The following DOCK1 variants were observed in gnomAD, a reference collection of about 807,000 sequenced individuals.
DOCK1 encodes the protein dedicator of cytokinesis protein 1.
A neutral mutation model predicts 262.7 loss-of-function variants in DOCK1; 138 were observed. The ratio of observed to expected loss-of-function variants is 0.53; its 90% CI spans 0.46 to 0.61. The LOEUF (loss-of-function observed/expected upper bound fraction) is 0.61, where lower values mean the gene tolerates loss of function less well. Ranked by LOEUF, DOCK1 falls within the 20% of genes least tolerant of loss-of-function variation. The pLI, the probability that DOCK1 is intolerant of heterozygous loss-of-function variation, is 0.00. For synonymous variants in DOCK1, 866 were observed against 867.4 expected (o/e 1.00, Z 0.03); for missense variants, 1,908 against 2,370.7 (o/e 0.80, Z 4.05).
intron 1 of DOCK1, among the ~76,000 whole-genome samples, chr10:126,966,601 A>G (rs2037697982): frequency 6.6e-6 from 1 of 152,016 alleles, no homozygotes. Flanking sequence ...GTGAGATAAT[A>G]CCTCATTGTG....
intron 1 of DOCK1, among the ~76,000 whole-genome samples, chr10:126,920,207 G>C (rs1316122591): frequency 6.6e-6 from 1 of 152,134 alleles, no homozygotes; most frequent in African/African-American, 2.4e-5. Flanking sequence ...GATGATTTGG[G>C]GATATCACTG....
intron 27 of DOCK1, among the ~76,000 whole-genome samples, chr10:127,148,189 A>T (rs766999965): frequency 2.0e-5 from 3 of 152,156 alleles, no homozygotes; most frequent in Non-Finnish European, 2.9e-5. Flanking sequence ...GTTCCCATCC[A>T]GTCAGGTTCC....
At chr10:127,130,580 C>G (rs1428597081) in intron 27 of DOCK1, among the ~76,000 whole-genome samples, 1 of 152,206 alleles carries the variant, frequency 6.6e-6, no homozygotes, top group Non-Finnish European at 1.5e-5. Flanking sequence ...GATATCTCCT[C>G]TCAGACCATG....
intron 21 of DOCK1, among the ~76,000 whole-genome samples, chr10:127,045,679 C>T (rs546641334): frequency 6.6e-6 from 1 of 152,338 alleles, no homozygotes; most frequent in South Asian, 2.1e-4. Flanking sequence ...GTCTGCGGCT[C>T]CCCTGCGTGG....
intron 23 of DOCK1, among the ~76,000 whole-genome samples, chr10:127,093,198 T>TTTTCTCTTTCTTTC (rs2047651329): frequency 1.1e-5 from 1 of 92,452 alleles, no homozygotes; most frequent in East Asian, 2.7e-4. Context: ...TCCCTCTCCT[T>TTTTCTCTTTCTTTC]TTTCTTTCTT....
chr10:127,158,410 T>C (rs1212809424), intron 27 of DOCK1, among the ~76,000 whole-genome samples: 1 of 152,198 alleles, frequency 6.6e-6, no homozygotes, highest in East Asian at 1.9e-4. Flanking sequence ...TGGAAGAACA[T>C]TTGGATCACA....
chr10:127,174,906 T>C (rs931186433), intron 27 of DOCK1, among the ~76,000 whole-genome samples: 2 of 152,318 alleles, frequency 1.3e-5, no homozygotes, highest in Admixed American at 6.5e-5. Flanking sequence ...ACATTATCAA[T>C]ATCATAAACC....
intron 27 of DOCK1, among the ~76,000 whole-genome samples, chr10:127,134,205 A>G (rs2050505875): frequency 6.6e-6 from 1 of 152,152 alleles, no homozygotes; most frequent in Non-Finnish European, 1.5e-5. Flanking sequence ...AGAGTTGTGT[A>G]TCTTGGTTCT....
chr10:127,130,065 CTTTTTTTTTTT>C lies in DOCK1; in HGVS notation c.2847+2322_2847+2332del, dbSNP rs74721427. Among the ~76,000 whole-genome samples the C allele has an allele frequency of 2.8e-4, 33 of 117,552 alleles. 1 individual carries two copies. The highest frequency in any genetic ancestry group is 1.2e-3 in the African/African-American group (31 of 25,378). The allele number at this position is 117,552 out of a possible 152,430, so 77.1% of individuals were successfully genotyped here. ...CAATCCTGCCTCCAGTTAGGGTCTTCTTTTTTTTTTTTTTTTTTTTTTTTTTTTTTTCCCCT... is the reference window on the plus strand; with the variant it reads ...CAATCCTGCCTCCAGTTAGGGTCTTCTTTTTTTTTTTTTTTTTTTTCCCCT... On this transcript the variant is annotated intron_variant, in intron 27 of 51. Coordinates refer to ENST00000623213, the MANE Select transcript of DOCK1 (RefSeq NM_001290223.2).
Position 127,061,926 on chromosome 10 carries a change from G to A in DOCK1, c.2445+150G>A, listed in dbSNP as rs1005409007. The stretch of plus-strand genomic sequence containing the variant: ...AGATCTCAATTTGATTTCAAGAGCT[G>A]TGCTTTTTTTTTTTTTTTTTTTTTT... On this transcript the variant is annotated intron_variant, in intron 23 of 51. Transcript: ENST00000623213. The A allele has an allele frequency of 3.1e-5, 12 of 391,330 alleles. No homozygotes were observed. In the Admixed American group the frequency reaches 5.1e-4, roughly 17 times the overall value. 24.2% of individuals were successfully genotyped at this position (391,330 alleles called of 1,614,324 possible). A position where few individuals can be genotyped will look rare whatever the true frequency, so the allele number is the denominator to read the frequency against.
At chr10:127,000,366 G>GA in intron 10 of DOCK1, 59 bp downstream of exon 10, 3 of 1,586,836 alleles carry the variant, frequency 1.9e-6, no homozygotes, top group Non-Finnish European at 2.6e-6. Context: ...ACTTTCAAAA[G>GA]AATCACTGTT....
At chr10:127,292,175 A>T (rs1471778508) in intron 29 of DOCK1, among the ~76,000 whole-genome samples, 1 of 152,122 alleles carries the variant, frequency 6.6e-6, no homozygotes, top group Non-Finnish European at 1.5e-5. Context: ...TGACCACTCC[A>T]GGTCTCTGCA....
intron 29 of DOCK1, among the ~76,000 whole-genome samples, chr10:127,331,079 A>G (rs557379681): frequency 1.4e-4 from 22 of 152,164 alleles, no homozygotes; most frequent in Non-Finnish European, 2.8e-4. Context: ...GGGGGAGTCC[A>G]CTTATGGCTC....
In DOCK1 at chr10:127,343,636, T is replaced by C. The variant is rs1565008351; in HGVS notation, c.3124-10T>C. On this transcript the variant is annotated splice_polypyrimidine_tract_variant and intron_variant, in intron 30 of 51. Coordinates refer to ENST00000623213, the MANE Select transcript of DOCK1 (RefSeq NM_001290223.2). ...CAACAACTTAGCATCTCCTCCTTTT[T>C]GGTTTTCAGCTGTGGAACAACTACT... 6.2e-7 allele frequency: 1 copy of C among 1,601,278 alleles called. No homozygotes were observed. Among genetic ancestry groups the C allele is most frequent in the Non-Finnish European group, 8.5e-7 (1 of 1,173,490 alleles).
chr10:127,167,858 A>G (rs563711754), intron 27 of DOCK1, among the ~76,000 whole-genome samples: 12 of 152,080 alleles, frequency 7.9e-5, no homozygotes, highest in Non-Finnish European at 1.5e-4. Flanking sequence ...ATAAAGCAAG[A>G]AAATCTCTTC....
At position 127,213,163 on chromosome 10, in the gene DOCK1, A is replaced by G. The variant is rs115430016; in HGVS notation, c.2848-34845A>G. On this transcript the variant is annotated intron_variant, in intron 27 of 51. Coordinates refer to ENST00000623213, the MANE Select transcript of DOCK1 (RefSeq NM_001290223.2). ...AGATATTTCTTTTACATGTATTTCA[A>G]AAAGCTCAGAATATTGTTGGGAAGG... Among the ~76,000 whole-genome samples, 544 of 152,350 alleles carry G rather than the reference A, an allele frequency of 3.6e-3. 3 individuals are homozygous for G. The highest frequency in any genetic ancestry group is 0.01 in the African/African-American group (422 of 41,572).
rs796870030 is a variant in DOCK1, at chr10:127,141,676, CAA to C, written c.2847+13926_2847+13927del. On this transcript the variant is annotated intron_variant, in intron 27 of 51. Coordinates refer to ENST00000623213, the MANE Select transcript of DOCK1 (RefSeq NM_001290223.2). ...ACAGAGTGAGACTTTGTCTTTAAAA[CAA>C]AAAAAAAAAAAAAGCAAATTCTACC... Among the ~76,000 whole-genome samples, 989 of 139,862 alleles carry C rather than the reference CAA, an allele frequency of 7.1e-3. 4 individuals carry two copies. Among genetic ancestry groups the C allele is most frequent in the Admixed American group, 0.012 (174 of 14,100 alleles). 91.8% of individuals were successfully genotyped at this position (139,862 alleles called of 152,430 possible).
At chr10:127,396,763 A>C (rs1290159488) in intron 38 of DOCK1, among the ~76,000 whole-genome samples, 1 of 152,122 alleles carries the variant, frequency 6.6e-6, no homozygotes, top group Non-Finnish European at 1.5e-5. Context: ...ACAAAAAAAA[A>C]AAAAAAAAAA....
At chr10:127,152,102 G>A (rs1316266187) in intron 27 of DOCK1, among the ~76,000 whole-genome samples, 1 of 152,058 alleles carries the variant, frequency 6.6e-6, no homozygotes, top group African/African-American at 2.4e-5. Context: ...TGGATGTCTT[G>A]ACTCACTGTT....
Sources: allele counts gnomAD v4.1 joint callset (sites outside exome capture counted in the v4.1 genomes callset), GRCh38; gene constraint gnomAD v4.1.1; transcripts MANE v1.5; gene names NCBI Gene and HGNC (gene_info 2026-07-23, HGNC 2026-07-21).